MCF2L2: variants seen among roughly 807,000 people sequenced by gnomAD.
The protein encoded by MCF2L2 is probable guanine nucleotide exchange factor MCF2L2.
Under a neutral mutation model 150.2 loss-of-function variants are expected in MCF2L2, and 102 were observed. The observed-to-expected ratio is 0.68, with a 90% CI of 0.58 to 0.80. The LOEUF is 0.80. MCF2L2 is among the 30% of genes least tolerant of loss of function. The probability of loss-of-function intolerance (pLI) is 0.00; values close to 1 mark genes in which losing one functional copy is unlikely to be tolerated. For missense variants in MCF2L2, 1,256 were observed against 1,372.8 expected (o/e 0.91, Z 1.34); for synonymous variants, 465 against 491.3 (o/e 0.95, Z 0.71).
chr3:183,366,869 A>C (rs1016221870), intron 3 of MCF2L2, among the ~76,000 whole-genome samples: 4 of 152,202 alleles, frequency 2.6e-5, no homozygotes, highest in Admixed American at 6.5e-5. Context: ...TGTATGCATT[A>C]CACACTCTAT....
At chr3:183,194,813 G>A (rs1205228334) in intron 26 of MCF2L2, among the ~76,000 whole-genome samples, 3 of 151,998 alleles carry the variant, frequency 2.0e-5, no homozygotes, top group Non-Finnish European at 4.4e-5. Flanking sequence ...ATAGGCTCTC[G>A]CTCTGTCACA....
intron 25 of MCF2L2, among the ~76,000 whole-genome samples, chr3:183,196,289 C>T (rs1330447501): frequency 2.0e-5 from 3 of 152,136 alleles, no homozygotes; most frequent in Non-Finnish European, 4.4e-5. Context: ...TCCTCTCACC[C>T]ATGGCCCTAA....
At chr3:183,199,707 T>C (rs1207518859) in intron 25 of MCF2L2, among the ~76,000 whole-genome samples, 1 of 151,928 alleles carries the variant, frequency 6.6e-6, no homozygotes, top group Non-Finnish European at 1.5e-5. Context: ...TGTGCCATGT[T>C]GGTGTGCTGC....
rs537483056 is a variant in MCF2L2 at position 183,218,467 on chromosome 3, T to A, written c.2370+1389A>T. On this transcript the variant is annotated intron_variant, in intron 21 of 29. Transcript: ENST00000328913. ...GCCTGACCAACGTGGTGAAACCCCA[T>A]CTCTACTAAAAACAAAAATTAGCCG... Among the ~76,000 whole-genome samples the A allele has an allele frequency of 3.3e-5, 5 of 151,934 alleles. No individual in the cohort carries two copies. The East Asian group carries it at 9.7e-4, about 30-fold the overall frequency.
intron 27 of MCF2L2, among the ~76,000 whole-genome samples, chr3:183,182,335 G>A (rs1168841820): frequency 6.9e-6 from 1 of 145,272 alleles, no homozygotes; most frequent in Admixed American, 7.4e-5. Flanking sequence ...GGTGAGGGTG[G>A]GGATGCCTGG....
At chr3:183,272,874 C>CA (rs1726903584) in intron 15 of MCF2L2, 1 of 1,294,702 alleles carries the variant, frequency 7.7e-7, no homozygotes, top group Admixed American at 4.2e-5. Context: ...TTGTTTACAG[C>CA]AGTGCTTTTG....
At chr3:183,309,928 A>G in intron 9 of MCF2L2, 93 bp from the exon 10 acceptor site, 1 of 1,488,566 alleles carries the variant, frequency 6.7e-7, no homozygotes, top group South Asian at 1.2e-5. Context: ...TCAAAATTCC[A>G]AAAAGGATTC....
intron 5 of MCF2L2, among the ~76,000 whole-genome samples, chr3:183,330,412 T>G (rs554371872): frequency 2.3e-4 from 35 of 152,186 alleles, no homozygotes; most frequent in African/African-American, 8.2e-4. Flanking sequence ...ATGCAGCACA[T>G]GGCTGGAATT....
At chr3:183,359,161 G>A (rs1486031538) in intron 3 of MCF2L2, among the ~76,000 whole-genome samples, 1 of 152,148 alleles carries the variant, frequency 6.6e-6, no homozygotes, top group Non-Finnish European at 1.5e-5. Flanking sequence ...TATTCCCCCA[G>A]AAAGACATTG....
chr3:183,385,854 G>A (rs1243460323), intron 2 of MCF2L2, among the ~76,000 whole-genome samples: 1 of 152,206 alleles, frequency 6.6e-6, no homozygotes, highest in African/African-American at 2.4e-5. Context: ...GCAGAAGGCA[G>A]CCAAGAGTTT....
rs1247258195 is a variant in MCF2L2, at chr3:183,283,616, G to A, written c.1776+5504C>T. On this transcript the variant is annotated intron_variant, in intron 14 of 29. Transcript: ENST00000328913. This position sits in a 1 kb window ranked among gnomAD's most constrained non-coding sequence, Gnocchi z 4.2. ...GGCTCACTGCACCCTCTGCCTCCCAGGTTCAAGTGATTCTCCTGCCTCAGC... is the reference window on the plus strand; with the variant it reads ...GGCTCACTGCACCCTCTGCCTCCCAAGTTCAAGTGATTCTCCTGCCTCAGC... 6.6e-6 allele frequency among the ~76,000 whole-genome samples: 1 copy of A among 152,018 alleles called. No homozygotes were observed. Among genetic ancestry groups the A allele is most frequent in the East Asian group, 1.9e-4 (1 of 5,186 alleles).
chr3:183,427,406 A>G (rs1486600640), intron 1 of MCF2L2, among the ~76,000 whole-genome samples: 2 of 152,202 alleles, frequency 1.3e-5, no homozygotes, highest in Non-Finnish European at 2.9e-5. Context: ...GCAGCACAGT[A>G]AAACAGGCCT....
At chr3:183,265,022 T>C (rs900140588) in intron 15 of MCF2L2, among the ~76,000 whole-genome samples, 9 of 152,264 alleles carry the variant, frequency 5.9e-5, no homozygotes, top group African/African-American at 2.2e-4. Context: ...GTATCTGAGA[T>C]ATCTGCATAT....
chr3:183,343,557 G>C (rs931453193), intron 3 of MCF2L2, among the ~76,000 whole-genome samples: 2 of 151,942 alleles, frequency 1.3e-5, no homozygotes, highest in Non-Finnish European at 2.9e-5. Flanking sequence ...TTTTAGCAGA[G>C]ACAGGTTTCA....
chr3:183,379,148 G>A (rs1474704335), intron 3 of MCF2L2, 149 bp downstream of exon 3: 8 of 554,318 alleles, frequency 1.4e-5, no homozygotes, highest in Non-Finnish European at 2.2e-5. Context: ...CCTTGCTCGT[G>A]ACTGATGGGT....
chr3:183,353,915 C>T (rs1316324738), intron 3 of MCF2L2, among the ~76,000 whole-genome samples: 2 of 152,090 alleles, frequency 1.3e-5, no homozygotes, highest in African/African-American at 4.8e-5. Flanking sequence ...CATCCTCTCA[C>T]CACACTTTTT....
chr3:183,376,825 G>A (rs1713215330), intron 3 of MCF2L2: 1 of 152,184 alleles, frequency 6.6e-6, no homozygotes, highest in Admixed American at 6.5e-5. Context: ...ACTAAATTAT[G>A]TGGGGAAGCT....
chr3:183,311,860 C>T (rs1250943009), intron 7 of MCF2L2, 88 bp from the exon 8 acceptor site: 15 of 1,190,674 alleles, frequency 1.3e-5, no homozygotes, highest in Non-Finnish European at 1.7e-5. Flanking sequence ...TAGATCAGTA[C>T]ATTTTTCATT....
intron 27 of MCF2L2, 96 bp from the exon 28 acceptor site, chr3:183,180,255 A>G: frequency 1.3e-6 from 1 of 780,096 alleles, no homozygotes; most frequent in Non-Finnish European, 2.3e-6. Flanking sequence ...TGTTGCAGGC[A>G]CGGTCCTCCC....
Sources: gnomAD v4.1 joint callset for allele counts (sites outside exome capture counted in the v4.1 genomes callset) on GRCh38, gnomAD v4.1.1 for gene constraint, Gnocchi (gnomAD v3.1) non-coding constraint, MANE v1.5 for transcripts, NCBI Gene and HGNC (gene_info 2026-07-23, HGNC 2026-07-21) for gene names.